Variants in LRP1B observed in about 807,000 individuals in gnomAD.
LRP1B encodes low-density lipoprotein receptor-related protein 1B.
Under a neutral mutation model 556.6 loss-of-function variants are expected in LRP1B, and 217 were observed. The observed-to-expected ratio is 0.39, with a 90% CI of 0.35 to 0.44. LRP1B has a LOEUF of 0.44. Ranked by LOEUF, LRP1B falls within the 20% of genes least tolerant of loss-of-function variation. The probability of loss-of-function intolerance (pLI) is 1.00; values close to 1 mark genes in which losing one functional copy is unlikely to be tolerated. For synonymous variants in LRP1B, 2,047 were observed against 1,865.8 expected (o/e 1.10, Z -2.50); for missense variants, 5,053 against 5,620.8 (o/e 0.90, Z 3.23).
At chr2:141,400,569 T>A (rs779790768) in intron 3 of LRP1B, among the ~76,000 whole-genome samples, 16 of 152,182 alleles carry the variant, frequency 1.1e-4, no homozygotes, top group Non-Finnish European at 7.3e-5. Context: ...ACACCTAACA[T>A]TTGAGTCAAC....
chr2:140,597,458 T>C lies in LRP1B; in HGVS notation c.7194+1173A>G, dbSNP rs75191769. ...AAATGACACCACATTCAGGACAATG[T>C]TTTACCTGTCTTTTCAAAAGCATTA... On this transcript the variant is annotated intron_variant, in intron 43 of 90. Coordinates refer to ENST00000389484, the MANE Select transcript of LRP1B (RefSeq NM_018557.3). Among the ~76,000 whole-genome samples, 1,110 of 152,258 alleles carry C rather than the reference T, an allele frequency of 7.3e-3. 14 individuals are homozygous for C. Among genetic ancestry groups the C allele is most frequent in the African/African-American group, 0.025 (1,040 of 41,546 alleles).
intron 31 of LRP1B, among the ~76,000 whole-genome samples, chr2:140,828,435 C>T (rs1269901714): frequency 7.6e-5 from 11 of 144,250 alleles, no homozygotes; most frequent in African/African-American, 2.9e-4. Flanking sequence ...CGGTGAAACC[C>T]CGTCTCTACT....
intron 20 of LRP1B, among the ~76,000 whole-genome samples, chr2:140,932,918 T>C (rs868383542): frequency 0.1 from 5,143 of 49,220 alleles, 107 homozygotes; most frequent in Non-Finnish European, 0.13. Flanking sequence ...CACACACACA[T>C]ATATATGTGT....
intron 2 of LRP1B, chr2:141,805,830 C>T (rs925077325): frequency 7.2e-5 from 11 of 152,068 alleles, no homozygotes; most frequent in African/African-American, 2.7e-4. Context: ...TTACTATCTG[C>T]TTTTTACAGA....
intron 2 of LRP1B, among the ~76,000 whole-genome samples, chr2:141,666,836 A>T (rs1690457914): frequency 6.6e-6 from 1 of 152,216 alleles, no homozygotes; most frequent in African/African-American, 2.4e-5. Flanking sequence ...CACATGATAC[A>T]ATTGAGGGTA....
At chr2:141,966,821 T>A (rs1701579222) in intron 1 of LRP1B, among the ~76,000 whole-genome samples, 1 of 151,834 alleles carries the variant, frequency 6.6e-6, no homozygotes, top group Non-Finnish European at 1.5e-5. Context: ...CCCATTTCTC[T>A]CTAAGCTCGC....
chr2:140,879,547 C>A (rs951725595), intron 25 of LRP1B, among the ~76,000 whole-genome samples: 2 of 152,022 alleles, frequency 1.3e-5, no homozygotes, highest in African/African-American at 4.8e-5. Context: ...TAACATAGTT[C>A]AAAACAATCT....
chr2:140,651,810 G>C (rs560421092), intron 41 of LRP1B, among the ~76,000 whole-genome samples: 66 of 152,196 alleles, frequency 4.3e-4, no homozygotes, highest in South Asian at 3.7e-3. Flanking sequence ...ATTTCGAGTG[G>C]AATGAACAGC....
chr2:142,086,946 A>G (rs1705962497), intron 1 of LRP1B, among the ~76,000 whole-genome samples: 1 of 151,792 alleles, frequency 6.6e-6, no homozygotes, highest in African/African-American at 2.4e-5. Flanking sequence ...TTTTTTTCCA[A>G]TCTCTGCCCT....
At chr2:141,516,735 T>A (rs2105163480) in intron 2 of LRP1B, among the ~76,000 whole-genome samples, 1 of 150,304 alleles carries the variant, frequency 6.7e-6, no homozygotes, top group South Asian at 2.1e-4. Flanking sequence ...CTTGCTCTTG[T>A]TGCCCAGGCT....
At chr2:140,453,192 C>A (rs1194689306) in intron 62 of LRP1B, among the ~76,000 whole-genome samples, 1 of 151,550 alleles carries the variant, frequency 6.6e-6, no homozygotes, top group Non-Finnish European at 1.5e-5. Context: ...ACTAAATGAA[C>A]CCAATTTAAA....
chr2:140,566,918 A>C (rs1020306067), intron 43 of LRP1B, among the ~76,000 whole-genome samples: 1 of 152,168 alleles, frequency 6.6e-6, no homozygotes, highest in African/African-American at 2.4e-5. Context: ...ACTACATCCC[A>C]GGGAAACAGT....
chr2:141,941,803 C>G (rs1054721192), intron 1 of LRP1B, among the ~76,000 whole-genome samples: 5 of 152,148 alleles, frequency 3.3e-5, no homozygotes, highest in African/African-American at 9.7e-5. Flanking sequence ...GTCAAATATT[C>G]ACTTAAAAAT....
At chr2:141,655,866 C>T (rs990065673) in intron 2 of LRP1B, among the ~76,000 whole-genome samples, 2 of 152,008 alleles carry the variant, frequency 1.3e-5, no homozygotes, top group African/African-American at 4.8e-5. Context: ...ACTTTGCACA[C>T]AAATGTACCA....
intron 5 of LRP1B, among the ~76,000 whole-genome samples, chr2:141,230,581 C>T (rs1281142384): frequency 6.6e-6 from 1 of 152,170 alleles, no homozygotes; most frequent in Non-Finnish European, 1.5e-5. Context: ...TCTACCTGAT[C>T]TGTATATTAA....
intron 3 of LRP1B, among the ~76,000 whole-genome samples, chr2:141,372,674 T>C (rs923223121): frequency 1.8e-4 from 28 of 152,108 alleles, no homozygotes; most frequent in African/African-American, 6.8e-4. Context: ...CATACAGATG[T>C]TCATAGCAGT....
chr2:140,859,164 C>A (rs1352927987), intron 27 of LRP1B, among the ~76,000 whole-genome samples: 1 of 151,966 alleles, frequency 6.6e-6, no homozygotes, highest in Non-Finnish European at 1.5e-5. Context: ...ATTTAAGCAA[C>A]CTGCAAGTAT....
intron 32 of LRP1B, among the ~76,000 whole-genome samples, chr2:140,795,244 C>CT (rs1224361366): frequency 6.6e-6 from 1 of 152,056 alleles, no homozygotes; most frequent in African/African-American, 2.4e-5. Flanking sequence ...ATAACAGAAT[C>CT]TTTTTTTCCT....
intron 1 of LRP1B, among the ~76,000 whole-genome samples, chr2:141,945,419 T>A (rs1700924646): frequency 6.6e-6 from 1 of 152,058 alleles, no homozygotes; most frequent in African/African-American, 2.4e-5. Context: ...ACGGCCCCAC[T>A]CTAACTTTAC....
Sources: gnomAD v4.1 joint callset for allele counts (sites outside exome capture counted in the v4.1 genomes callset) on GRCh38, gnomAD v4.1.1 for gene constraint, MANE v1.5 for transcripts, NCBI Gene and HGNC (gene_info 2026-07-23, HGNC 2026-07-21) for gene names.